Variants in SPECC1 observed in about 807,000 individuals in gnomAD.
The protein encoded by SPECC1 is cytospin-B.
SPECC1 carries 62 observed loss-of-function variants against 104.1 expected under a neutral mutation model. That is an observed-to-expected ratio of 0.60 (90% CI 0.49 to 0.74). The LOEUF is 0.74. Ranked by LOEUF, SPECC1 falls within the 30% of genes least tolerant of loss-of-function variation. SPECC1 has a pLI of 0.00. For synonymous variants in SPECC1, 513 were observed against 501.6 expected (o/e 1.02, Z -0.30); for missense variants, 1,306 against 1,310.5 (o/e 1.00, Z 0.05).
chr17:20,163,564 CTTT>C (rs779886420), intron 3 of SPECC1, among the ~76,000 whole-genome samples: 1 of 143,284 alleles, frequency 7.0e-6, no homozygotes. Flanking sequence ...CTCTCTCTCT[CTTT>C]TTTTTTTTTT....
chr17:20,318,940 T>C lies in SPECC1; in HGVS notation c.*4875T>C, dbSNP rs559426100. 112 of 187,360 alleles carry C rather than the reference T, an allele frequency of 6.0e-4. No homozygotes were observed. The highest frequency in any genetic ancestry group is 2.1e-3 in the African/African-American group (89 of 42,786). 11.6% of individuals were successfully genotyped at this position (187,360 alleles called of 1,614,324 possible). ...GTACCCAGCACTTTTGGATATGACA[T>C]GCTAATTAGATGTATTTAACTATTC... On this transcript the variant is annotated 3_prime_UTR_variant, in exon 15 of 15. Coordinates refer to ENST00000395527, the MANE Select transcript of SPECC1 (RefSeq NM_001243439.2).
chr17:20,040,306 T>G (rs1159137391), intron 1 of SPECC1, among the ~76,000 whole-genome samples: 8 of 152,206 alleles, frequency 5.3e-5, no homozygotes, highest in Non-Finnish European at 1.2e-4. Flanking sequence ...ATACATTTAG[T>G]AGAAGCACTT....
Position 20,058,449 on chromosome 17 carries a change from A to G in SPECC1, c.-21-38182A>G, listed in dbSNP as rs542679027. The stretch of plus-strand genomic sequence containing the variant: ...GTTTGAGGGAGGATCACTTGAGCCC[A>G]GGGTTTGAGACCAGTCTGGGCAACA... On this transcript the variant is annotated intron_variant, in intron 1 of 14. Coordinates refer to ENST00000395527, the MANE Select transcript of SPECC1 (RefSeq NM_001243439.2). Among the ~76,000 whole-genome samples the G allele has an allele frequency of 2.0e-5, 3 of 152,286 alleles. No individual in the cohort carries two copies. In the South Asian group the frequency reaches 6.2e-4, roughly 32 times the overall value.
At chr17:20,231,950 G>A (rs1479210489) in intron 6 of SPECC1, 119 bp downstream of exon 6, 6 of 1,109,532 alleles carry the variant, frequency 5.4e-6, no homozygotes, top group African/African-American at 3.1e-5. Flanking sequence ...GTGGGCCCTG[G>A]AACTGTAAAT....
chr17:20,022,838 A>G (rs1482524163), intron 1 of SPECC1, among the ~76,000 whole-genome samples: 2 of 152,232 alleles, frequency 1.3e-5, no homozygotes, highest in South Asian at 2.1e-4. Flanking sequence ...TTGCTTGGAC[A>G]TGGTTATGGA....
chr17:20,290,841 T>C (rs1055432007), intron 12 of SPECC1, among the ~76,000 whole-genome samples: 1 of 152,200 alleles, frequency 6.6e-6, no homozygotes, highest in Non-Finnish European at 1.5e-5. Context: ...AACTAGCATA[T>C]GGGCGCCTTC....
chr17:20,199,383 G>GT (rs3077216), intron 3 of SPECC1, among the ~76,000 whole-genome samples: 1,328 of 62,462 alleles, frequency 0.021, 67 homozygotes, highest in Non-Finnish European at 0.03. Flanking sequence ...CACCGTGCTG[G>GT]TTTTTTTTTT....
intron 4 of SPECC1, among the ~76,000 whole-genome samples, chr17:20,215,757 G>T (rs761114741): frequency 1.3e-5 from 2 of 152,114 alleles, no homozygotes; most frequent in African/African-American, 4.8e-5. Context: ...TGTTTTCTTT[G>T]TTCTTTATAT....
chr17:20,283,406 T>C lies in SPECC1; in HGVS notation c.2941-13555T>C, dbSNP rs545958009. On this transcript the variant is annotated intron_variant, in intron 12 of 14. Transcript: ENST00000395527. ...ACCACCCCGAAACAGTGGATTACAA[T>C]AACATCTTCATTAACCTTATGAATT... 2.6e-5 allele frequency among the ~76,000 whole-genome samples: 4 copies of C among 152,368 alleles called. No homozygotes were observed. In the South Asian group the frequency reaches 8.3e-4, roughly 32 times the overall value.
At chr17:20,156,351 T>G in intron 3 of SPECC1, 1 of 1,143,850 alleles carries the variant, frequency 8.7e-7, no homozygotes, top group Non-Finnish European at 1.1e-6. Context: ...AAGGCTAAGG[T>G]CCTGGGGTGT....
chr17:20,118,083 C>A (rs200380881), intron 3 of SPECC1, among the ~76,000 whole-genome samples: 1 of 151,520 alleles, frequency 6.6e-6, no homozygotes, highest in East Asian at 1.9e-4. Flanking sequence ...CCGGCCTGGG[C>A]AACAGTGAGA....
At chr17:20,169,526 A>T (rs2033921610) in intron 3 of SPECC1, among the ~76,000 whole-genome samples, 1 of 146,372 alleles carries the variant, frequency 6.8e-6, no homozygotes, top group African/African-American at 2.5e-5. Context: ...TCCTTTTGGA[A>T]TTTTTTTTTT....
intron 3 of SPECC1, among the ~76,000 whole-genome samples, chr17:20,194,553 C>A (rs1350835150): frequency 1.7e-5 from 2 of 114,672 alleles, no homozygotes; most frequent in Non-Finnish European, 3.3e-5. Context: ...TGTCACCAGG[C>A]TGGAGTGCAG....
intron 4 of SPECC1, among the ~76,000 whole-genome samples, chr17:20,208,991 G>T (rs139570779): frequency 0.032 from 4,912 of 152,176 alleles, 121 homozygotes; most frequent in Middle Eastern, 0.065. Context: ...AAAGGATGAG[G>T]ATTGAATTTT....
At chr17:20,170,604 A>G (rs1014973117) in intron 3 of SPECC1, among the ~76,000 whole-genome samples, 10 of 152,098 alleles carry the variant, frequency 6.6e-5, no homozygotes, top group African/African-American at 1.9e-4. Flanking sequence ...TAACATCACC[A>G]TGGTCTCCTT....
At chr17:20,148,543 G>GGA (rs36059855) in intron 3 of SPECC1, among the ~76,000 whole-genome samples, 5 of 136,164 alleles carry the variant, frequency 3.7e-5, no homozygotes, top group Non-Finnish European at 4.7e-5. Context: ...ATGTGCACTA[G>GGA]AAAAAAAAAA....
chr17:20,076,068 G>T (rs1373185270), intron 1 of SPECC1, among the ~76,000 whole-genome samples: 3 of 152,128 alleles, frequency 2.0e-5, no homozygotes, highest in Non-Finnish European at 4.4e-5. Context: ...AATGAACTAT[G>T]ATCTCACTAC....
In SPECC1 at chr17:20,318,295, C is replaced by G; in HGVS notation, c.*4230C>G. On this transcript the variant is annotated 3_prime_UTR_variant, in exon 15 of 15. Coordinates refer to ENST00000395527, the MANE Select transcript of SPECC1 (RefSeq NM_001243439.2). ...TTGTCTGATGGTAACCCATGGCCCC[C>G]GCCCTGCGGGGATAACATTCTCAGG... is the stretch of plus-strand genomic sequence containing the variant. The G allele has an allele frequency of 4.3e-6, 1 of 232,562 alleles. No homozygotes were observed. The highest frequency in any genetic ancestry group is 6.0e-5 in the East Asian group (1 of 16,534). 14.4% of individuals were successfully genotyped at this position (232,562 alleles called of 1,614,324 possible). A position where few individuals can be genotyped will look rare whatever the true frequency, so the allele number is the denominator to read the frequency against.
chr17:20,154,477 C>A (rs569290464), intron 3 of SPECC1, among the ~76,000 whole-genome samples: 1 of 152,094 alleles, frequency 6.6e-6, no homozygotes, highest in African/African-American at 2.4e-5. Flanking sequence ...GAACATGCCC[C>A]GCTTATTTGA....
Sources: allele counts gnomAD v4.1 joint callset (sites outside exome capture counted in the v4.1 genomes callset), GRCh38; gene constraint gnomAD v4.1.1; transcripts MANE v1.5; gene names NCBI Gene and HGNC (gene_info 2026-07-23, HGNC 2026-07-21).